Variants in UNC45B observed in about 807,000 individuals in gnomAD.
UNC45B encodes the protein unc-45 myosin chaperone B.
UNC45B carries 78 observed loss-of-function variants against 98.7 expected under a neutral mutation model. That is an observed-to-expected ratio of 0.79 (90% CI 0.66 to 0.95). The LOEUF (loss-of-function observed/expected upper bound fraction) is 0.95, where lower values mean the gene tolerates loss of function less well. Ranked by LOEUF, UNC45B falls within the 40% of genes least tolerant of loss-of-function variation. The pLI is 0.00. For synonymous variants in UNC45B, 462 were observed against 480.4 expected, an observed-to-expected ratio of 0.96 and a Z score of 0.50; for missense variants, 1,225 against 1,184.9, an observed-to-expected ratio of 1.03 and a Z score of -0.50.
At chr17:35,166,309 G>A in intron 9 of UNC45B, among the ~76,000 whole-genome samples, 1 of 151,828 alleles carries the variant, frequency 6.6e-6, no homozygotes, top group East Asian at 1.9e-4. Context: ...CAACTCCCTG[G>A]ATTTGCCAAC....
At chr17:35,176,791 G>C (rs2092237018) in intron 15 of UNC45B, among the ~76,000 whole-genome samples, 1 of 152,204 alleles carries the variant, frequency 6.6e-6, no homozygotes, top group South Asian at 2.1e-4. Context: ...GGAATATTTA[G>C]GTGGGTGGGA....
intron 4 of UNC45B, among the ~76,000 whole-genome samples, chr17:35,151,836 C>T (rs930909642): frequency 2.6e-5 from 4 of 152,182 alleles, no homozygotes; most frequent in South Asian, 4.1e-4. Context: ...TGGTGGCTCA[C>T]GCCTGTAATC....
chr17:35,150,028 C>T lies in UNC45B; in HGVS notation c.206-20C>T, dbSNP rs755979436. 8 of 1,572,090 alleles carry T rather than the reference C, an allele frequency of 5.1e-6. No homozygotes were observed. The East Asian group carries it at 1.8e-4, about 36-fold the overall frequency. ...TAGTCTGGCTCCCTAAGGTCCTCATCCCCCGTCTCCCCTCGATAGCCATCG... is the reference window on the plus strand; with the variant it reads ...TAGTCTGGCTCCCTAAGGTCCTCATTCCCCGTCTCCCCTCGATAGCCATCG... On this transcript the variant is annotated intron_variant, in intron 3 of 19. Coordinates refer to ENST00000394570, the MANE Select transcript of UNC45B (RefSeq NM_001267052.2).
rs28572456 is a variant in UNC45B at position 35,174,556 on chromosome 17, A to C, written c.1958+187A>C. ...GACATGGGACCAGGGGTGGTGGCTC[A>C]TGCCTGTAATCCCAGGGCTTTGGGA... On this transcript the variant is annotated intron_variant, in intron 14 of 19. Transcript: ENST00000394570. Among the ~76,000 whole-genome samples the C allele has an allele frequency of 5.1e-3, 784 of 152,306 alleles. 10 individuals carry two copies. Among genetic ancestry groups the C allele is most frequent in the African/African-American group, 0.018 (743 of 41,560 alleles).
chr17:35,169,689 T>A (rs1263905689), intron 10 of UNC45B, 148 bp from the exon 11 acceptor site: 1 of 667,318 alleles, frequency 1.5e-6, no homozygotes, highest in Non-Finnish European at 2.7e-6. Context: ...ACACCTGAGC[T>A]GAGTTTTACA....
At chr17:35,180,253 TGAGAGAGAGAGAGA>T (rs56300196) in intron 17 of UNC45B, among the ~76,000 whole-genome samples, 8 of 139,856 alleles carry the variant, frequency 5.7e-5, no homozygotes, top group Admixed American at 1.4e-4. Context: ...ACATCCAGGA[TGAGAGAGAGAGAGA>T]GAGAGAGAGA....
intron 13 of UNC45B, 60 bp downstream of exon 13, chr17:35,171,522 C>T (rs547200043): frequency 3.8e-5 from 60 of 1,575,680 alleles, no homozygotes; most frequent in Non-Finnish European, 4.7e-5. Flanking sequence ...CCAAAGGAGG[C>T]GGAACGGCAA....
At chr17:35,152,787 G>C in intron 4 of UNC45B, 106 bp from the exon 5 acceptor site, 1 of 826,604 alleles carries the variant, frequency 1.2e-6, no homozygotes. Flanking sequence ...ACGTATGTGC[G>C]GGAGCCCAGA....
rs1430827023 is a variant in UNC45B, at chr17:35,155,359, G to A, written c.703G>A (p.Glu235Lys). The change falls in exon 7 of 20, where the codon GAG becomes AAG. Residue 235 changes from glutamate (E) to lysine (K), a missense_variant. By Grantham distance (56) the Glu-to-Lys change is moderately conservative. Coordinates refer to ENST00000394570, the MANE Select transcript of UNC45B (RefSeq NM_001267052.2). ...RICSLMAVENEEMSLAVCNLL... is the reference protein window; with the variant it reads ...RICSLMAVENKEMSLAVCNLL... ...CTGTAGCCTCATGGCCGTGGAGAAT[G>A]AGGAGATGTCTCTGGCTGTCTGCAA... 7.4e-6 allele frequency: 12 copies of A among 1,613,562 alleles called. No homozygotes were observed. The highest frequency in any genetic ancestry group is 2.7e-5 in the African/African-American group (2 of 75,038).
chr17:35,183,906 G>A (rs914158617), intron 19 of UNC45B, among the ~76,000 whole-genome samples: 1 of 152,184 alleles, frequency 6.6e-6, no homozygotes. Context: ...CCCAAGAGAA[G>A]CACGGATGTG....
At chr17:35,151,260 C>G in intron 4 of UNC45B, 1 of 222,922 alleles carries the variant, frequency 4.5e-6, no homozygotes, top group South Asian at 4.6e-5. Flanking sequence ...GGTCGCGGGC[C>G]TCGATCAGAA....
chr17:35,186,536 G>T lies in UNC45B; in HGVS notation c.2767G>T (p.Gly923Cys), dbSNP rs1213300953. ...RECLIKCMDY[G>C]FIKPVS ...ATGTCTCATCAAGTGCATGGATTAT[G>T]GTTTCATTAAACCAGTGTCTTAGAC... The change falls in exon 20 of 20, where the codon GGT becomes TGT. Residue 923 changes from glycine to cysteine, a missense_variant. Physicochemically the swap from Gly to Cys is radical, Grantham distance 159 (BLOSUM62 -3). Coordinates refer to ENST00000394570, the MANE Select transcript of UNC45B (RefSeq NM_001267052.2). 2.5e-6 allele frequency: 4 copies of T among 1,614,224 alleles called. No homozygotes were observed. The highest frequency in any genetic ancestry group is 1.1e-5 in the South Asian group (1 of 91,074).
chr17:35,153,852 C>T (rs2092039289), intron 5 of UNC45B, among the ~76,000 whole-genome samples: 1 of 152,082 alleles, frequency 6.6e-6, no homozygotes, highest in South Asian at 2.1e-4. Context: ...TCCCCTTCTT[C>T]CACCTCCTGT....
intron 17 of UNC45B, among the ~76,000 whole-genome samples, chr17:35,179,944 A>T (rs1234310366): frequency 6.6e-6 from 1 of 152,080 alleles, no homozygotes; most frequent in Admixed American, 6.6e-5. Flanking sequence ...GATAAAATGT[A>T]TTCCTCTTTG....
intron 19 of UNC45B, among the ~76,000 whole-genome samples, chr17:35,183,874 C>T (rs1281112206): frequency 6.6e-6 from 1 of 152,226 alleles, no homozygotes; most frequent in Non-Finnish European, 1.5e-5. Flanking sequence ...ATGCTAACCA[C>T]TGCCATGGAG....
At position 35,169,941 on chromosome 17, in the gene UNC45B, CTG is replaced by C. The variant is rs1331886366; in HGVS notation, c.1547+14_1547+15del. ...CCAAACAGTGTCGCAAGTAAGGGGG[CTG>C]TGTTTCCCAGGCCCTCCATCTCCTC... On this transcript the variant is annotated intron_variant, in intron 11 of 19. Coordinates refer to ENST00000394570, the MANE Select transcript of UNC45B (RefSeq NM_001267052.2). 6.2e-7 allele frequency: 1 copy of C among 1,614,136 alleles called. No individual in the cohort carries two copies. The highest frequency in any genetic ancestry group is 2.2e-5 in the East Asian group (1 of 44,882).
chr17:35,160,715 G>A (rs2092097135), intron 8 of UNC45B, among the ~76,000 whole-genome samples: 1 of 152,214 alleles, frequency 6.6e-6, no homozygotes, highest in African/African-American at 2.4e-5. Context: ...TGGAATTACA[G>A]GCGCGAGCCA....
At chr17:35,152,864 T>C (rs2092030328) in intron 4 of UNC45B, 29 bp from the exon 5 acceptor site, 1 of 1,592,038 alleles carries the variant, frequency 6.3e-7, no homozygotes, top group African/African-American at 1.3e-5. Flanking sequence ...CCCACCTGCC[T>C]CCTTCCCCAC....
rs1451347673 is a variant in UNC45B, at chr17:35,148,276, G to A, written c.13G>A (p.Glu5Lys). 7 of 1,614,010 alleles carry A rather than the reference G, an allele frequency of 4.3e-6. No individual in the cohort carries two copies. Among genetic ancestry groups the A allele is most frequent in the African/African-American group, 2.7e-5 (2 of 74,938 alleles). Residue 5 changes from glutamate (E) to lysine (K), a missense_variant, in exon 2 of 20, where the codon GAA becomes AAA. Physicochemically the swap from Glu to Lys is moderately conservative, Grantham distance 56. Transcript: ENST00000394570. The part of the protein sequence containing the change: MAEV[E>K]AVQLKEEGNR... ...CCTGTCCCAGCAGATGGCAGAGGTG[G>A]AAGCGGTACAGCTGAAGGAGGAAGG...
Sources: gnomAD v4.1 joint callset for allele counts (sites outside exome capture counted in the v4.1 genomes callset) on GRCh38, gnomAD v4.1.1 for gene constraint, MANE v1.5 for transcripts, NCBI Gene and HGNC (gene_info 2026-07-23, HGNC 2026-07-21) for gene names.